Variants in THBS4 observed in about 807,000 individuals in gnomAD.
THBS4 encodes the protein thrombospondin 4.
In THBS4, 90 loss-of-function variants were observed where a neutral mutation model predicts 115.7. That is an observed-to-expected ratio of 0.78 (90% confidence interval 0.66 to 0.93). The LOEUF (loss-of-function observed/expected upper bound fraction) is 0.93. Among genes scored for constraint, THBS4 ranks in the 40% least tolerant of loss-of-function variants. The pLI, the probability that THBS4 is intolerant of heterozygous loss-of-function variation, is 0.00. For synonymous variants in THBS4, 460 were observed against 479.3 expected, an observed-to-expected ratio of 0.96 and a Z score of 0.53; for missense variants, 1,087 against 1,232.7, an observed-to-expected ratio of 0.88 and a Z score of 1.77.
rs368458691 is a variant in THBS4 at position 80,059,912 on chromosome 5, G to T, written c.987+7G>T. On this transcript the variant is annotated splice_region_variant and intron_variant, in intron 7 of 21. Transcript: ENST00000350881. ...CTGTATTGATGTTGATGAGGTAAAA[G>T]TTCACTTAGACTGGGAGGGGATCCC... The T allele has an allele frequency of 3.7e-6, 6 of 1,612,772 alleles. No homozygotes were observed. The African/African-American group carries it at 8.0e-5, about 22-fold the overall frequency.
At chr5:80,055,438 T>C (rs1465696645) in intron 2 of THBS4, among the ~76,000 whole-genome samples, 2 of 152,210 alleles carry the variant, frequency 1.3e-5, no homozygotes, top group South Asian at 2.1e-4. Context: ...TCTACGCTTA[T>C]ATAGAGTTTA....
At chr5:80,001,301 C>T (rs565816082) in intron 2 of THBS4, among the ~76,000 whole-genome samples, 5 of 152,206 alleles carry the variant, frequency 3.3e-5, no homozygotes, top group African/African-American at 7.2e-5. Context: ...GTAACAGAAC[C>T]GGCAGTGGCA....
At chr5:80,044,864 C>T (rs1397377069) in intron 2 of THBS4, among the ~76,000 whole-genome samples, 1 of 152,054 alleles carries the variant, frequency 6.6e-6, no homozygotes, top group East Asian at 1.9e-4. Context: ...TAGAAATAAG[C>T]ATCCTGCAGA....
rs575692744 is a variant in THBS4, at chr5:80,078,168, G to A, written c.2206G>A (p.Val736Met). The A allele has an allele frequency of 1.9e-5, 31 of 1,610,112 alleles. No individual in the cohort carries two copies. Among genetic ancestry groups the A allele is most frequent in the East Asian group, 6.7e-5 (3 of 44,742 alleles). Residue 736 changes from valine (V) to methionine (M), a missense_variant, in exon 17 of 22, where the codon GTG becomes ATG. Val to Met is a conservative substitution (Grantham distance 21). This residue lies in a region of THBS4 where 979 missense variants were observed against 1,103.7 expected (regional missense o/e 0.89). Coordinates refer to ENST00000350881, the MANE Select transcript of THBS4 (RefSeq NM_003248.6). ...TLTDFRAYQT[V>M]VLDPEGDAQI... ...GACCGACTTCAGGGCTTACCAGACC[G>A]TGGTCCTGGATCCTGAAGGGGATGC... is the stretch of plus-strand genomic sequence containing the variant.
chr5:80,029,871 G>T (rs561788822), intron 2 of THBS4, among the ~76,000 whole-genome samples: 1 of 152,164 alleles, frequency 6.6e-6, no homozygotes, highest in East Asian at 1.9e-4. Context: ...TCGGGAGGCT[G>T]AGATAGGAGA....
At chr5:80,023,256 T>C (rs1426534773) in intron 2 of THBS4, among the ~76,000 whole-genome samples, 1 of 152,188 alleles carries the variant, frequency 6.6e-6, no homozygotes, top group African/African-American at 2.4e-5. Context: ...CATCTCTACA[T>C]TGGACAATAT....
chr5:80,004,927 G>T (rs1831985699), intron 2 of THBS4, among the ~76,000 whole-genome samples: 1 of 151,792 alleles, frequency 6.6e-6, no homozygotes, highest in Non-Finnish European at 1.5e-5. Context: ...TAGTAGAGAG[G>T]GGGTTTCGCC....
chr5:80,046,669 G>A (rs1833076460), intron 2 of THBS4, among the ~76,000 whole-genome samples: 1 of 151,970 alleles, frequency 6.6e-6, no homozygotes, highest in Admixed American at 6.6e-5. Context: ...TAATGTATCT[G>A]ACTTCAGAAA....
chr5:79,993,448 G>A (rs922415134), intron 1 of THBS4, among the ~76,000 whole-genome samples: 2 of 152,148 alleles, frequency 1.3e-5, no homozygotes, highest in African/African-American at 4.8e-5. Context: ...TGGCTCCTGT[G>A]CCTTTTCCTG....
At chr5:80,076,808 G>A (rs1743238910) in intron 15 of THBS4, 47 bp from the exon 16 acceptor site, 2 of 1,449,638 alleles carry the variant, frequency 1.4e-6, no homozygotes, top group Non-Finnish European at 1.8e-6. Flanking sequence ...GATCCTTCCT[G>A]TTCCCTGCTG....
rs765945906 is a variant in THBS4 at position 80,082,472 on chromosome 5, T to A, written c.2751T>A (p.Arg917=). Residue 917 remains arginine, a synonymous_variant, in exon 21 of 22, where the codon CGT becomes CGA. Transcript: ENST00000350881. ...GCGTCACCATAGACACCACAATGCGTGGAGGCCGACTTGGCGTTTTCTGCT... is the reference window on the plus strand; with the variant it reads ...GCGTCACCATAGACACCACAATGCGAGGAGGCCGACTTGGCGTTTTCTGCT... ...DSGVTIDTTM[R]GGRLGVFCFS... 2 of 1,614,092 alleles carry A rather than the reference T, an allele frequency of 1.2e-6. No individual in the cohort carries two copies. The highest frequency in any genetic ancestry group is 2.7e-5 in the African/African-American group (2 of 74,930).
intron 2 of THBS4, among the ~76,000 whole-genome samples, chr5:80,005,264 T>C (rs1831992270): frequency 6.6e-6 from 1 of 152,234 alleles, no homozygotes; most frequent in Non-Finnish European, 1.5e-5. Flanking sequence ...CCTTTTACGC[T>C]AATATTCTCC....
intron 11 of THBS4, 57 bp from the exon 12 acceptor site, chr5:80,070,586 A>G: frequency 6.5e-7 from 1 of 1,540,166 alleles, no homozygotes; most frequent in Non-Finnish European, 9.0e-7. Context: ...GGTCAGAAAC[A>G]GTTACTGGCT....
Position 80,078,218 on chromosome 5 carries a change from C to CCT in THBS4, c.2257_2258dup (p.Asn754Ter), listed in dbSNP as rs941041511. The CCT allele has an allele frequency of 7.6e-6, 12 of 1,585,080 alleles. No individual in the cohort carries two copies. The highest frequency in any genetic ancestry group is 1.0e-5 in the Non-Finnish European group (12 of 1,159,652). On this transcript the variant is annotated frameshift_variant, in exon 17 of 22. Transcript: ENST00000350881. LOFTEE classifies it high-confidence loss of function. ...CCCAGATCGATCCCAACTGGGTGGT[C>CCT]CTGAACCAGGTGAGTGTCACATGGG...
chr5:80,075,592 A>T (rs571557776), intron 15 of THBS4, among the ~76,000 whole-genome samples: 75 of 152,302 alleles, frequency 4.9e-4, no homozygotes, highest in African/African-American at 1.7e-3. Flanking sequence ...CACTCTGACT[A>T]CTATCTACAT....
chr5:79,995,834 A>T (rs1397734790), intron 1 of THBS4, among the ~76,000 whole-genome samples: 1 of 152,112 alleles, frequency 6.6e-6, no homozygotes, highest in African/African-American at 2.4e-5. Flanking sequence ...TTGGGGCTTT[A>T]AAAAGACAGC....
At chr5:80,001,986 A>G (rs1290677096) in intron 2 of THBS4, among the ~76,000 whole-genome samples, 2 of 152,234 alleles carry the variant, frequency 1.3e-5, no homozygotes, top group African/African-American at 2.4e-5. Flanking sequence ...GAAGAAAAAC[A>G]ATACTAATTT....
chr5:80,072,635 A>AACTTCATGATGC, intron 14 of THBS4: 1 of 506,866 alleles, frequency 2.0e-6, no homozygotes. Flanking sequence ...TAGTAACACG[A>AACTTCATGATGC]ACTTCATGAT....
intron 12 of THBS4, 50 bp downstream of exon 12, chr5:80,070,800 T>C: frequency 6.3e-7 from 1 of 1,598,202 alleles, no homozygotes; most frequent in Non-Finnish European, 8.6e-7. Flanking sequence ...CCAGGGATGA[T>C]GGGAGAAAGC....
Sources: allele counts gnomAD v4.1 joint callset (sites outside exome capture counted in the v4.1 genomes callset), GRCh38; gene constraint gnomAD v4.1.1; regional missense constraint gnomAD v4.1.1; transcripts MANE v1.5; gene names NCBI Gene and HGNC (gene_info 2026-07-23, HGNC 2026-07-21).